The following KLF8 variants were observed in gnomAD, a reference collection of about 807,000 sequenced individuals.
KLF8 encodes KLF transcription factor 8.
In KLF8, 10 loss-of-function variants were observed where a neutral mutation model predicts 18.2. That is an observed-to-expected ratio of 0.55 (90% CI 0.34 to 0.93). The LOEUF (loss-of-function observed/expected upper bound fraction) is 0.93. Ranked by LOEUF, KLF8 falls within the 40% of genes least tolerant of loss-of-function variation. KLF8 has a pLI of 0.02. For synonymous variants in KLF8, 109 were observed against 97.3 expected, an observed-to-expected ratio of 1.12 and a Z score of -0.71; for missense variants, 264 against 277.9, an observed-to-expected ratio of 0.95 and a Z score of 0.36.
chrX:55,973,852 C>T, the KLF8 span, among the ~76,000 whole-genome samples: 4 of 111,603 alleles, frequency 3.6e-5, no homozygotes, highest in South Asian at 7.5e-4. Flanking sequence ...CAAAAGAACA[C>T]GAATTGTTCT....
chrX:56,049,801 T>C, the KLF8 span, among the ~76,000 whole-genome samples: 1 of 110,236 alleles, frequency 9.1e-6, no homozygotes, highest in African/African-American at 3.3e-5. Context: ...TAGGGAGGAT[T>C]CCCTCTTTTT....
the KLF8 span, among the ~76,000 whole-genome samples, chrX:56,163,828 T>A: frequency 8.9e-6 from 1 of 112,307 alleles, no homozygotes; most frequent in Non-Finnish European, 1.9e-5. Flanking sequence ...GATACCCAGT[T>A]ATCCCAGCAC....
the KLF8 span, among the ~76,000 whole-genome samples, chrX:56,106,148 C>T: frequency 4.5e-5 from 5 of 111,094 alleles, no homozygotes; most frequent in African/African-American, 6.6e-5. Flanking sequence ...CTGCCCTTAA[C>T]ATGTTTTCCT....
chrX:56,182,029 T>A, the KLF8 span, among the ~76,000 whole-genome samples: 2 of 111,797 alleles, frequency 1.8e-5, no homozygotes, highest in East Asian at 5.6e-4. Context: ...TTGAGGAAGT[T>A]CTCCTGGATA....
intron 5 of KLF8, among the ~76,000 whole-genome samples, chrX:56,278,896 A>T (rs1269737353): frequency 9.0e-6 from 1 of 111,636 alleles, no homozygotes; most frequent in Non-Finnish European, 1.9e-5. Flanking sequence ...CATGGGTGGG[A>T]GTCAGCAGAG....
chrX:56,014,817 G>GTTTTTTTTTTT, the KLF8 span: 5 of 59,370 alleles, frequency 8.4e-5, no homozygotes, highest in Admixed American at 2.5e-4. Context: ...ACAAGATCAT[G>GTTTTTTTTTTT]TTTTTTTTTT....
chrX:55,993,528 A>T, the KLF8 span, among the ~76,000 whole-genome samples: 1 of 111,694 alleles, frequency 9.0e-6, no homozygotes, highest in Admixed American at 9.5e-5. Context: ...AAATTTTCGC[A>T]TGTATGTTTA....
chrX:56,164,704 T>A, the KLF8 span, among the ~76,000 whole-genome samples: 4 of 97,601 alleles, frequency 4.1e-5, no homozygotes, highest in African/African-American at 1.5e-4. Flanking sequence ...GTATATTTCT[T>A]TTTTTTTTTT....
chrX:56,086,327 C>T, the KLF8 span, among the ~76,000 whole-genome samples: 3 of 111,637 alleles, frequency 2.7e-5, no homozygotes, highest in Admixed American at 9.6e-5. Context: ...AGTGACTCCA[C>T]CTCCCAGTGA....
the KLF8 span, among the ~76,000 whole-genome samples, chrX:56,159,297 T>A: frequency 8.9e-6 from 1 of 112,246 alleles, no homozygotes; most frequent in Non-Finnish European, 1.9e-5. Flanking sequence ...GCCATTGTTT[T>A]ATTGAGGATT....
At chrX:56,069,837 G>T in the KLF8 span, among the ~76,000 whole-genome samples, 1 of 112,525 alleles carries the variant, frequency 8.9e-6, no homozygotes, top group Non-Finnish European at 1.9e-5. Context: ...TCCTGCTTCA[G>T]TGTGACGATT....
chrX:55,940,291 C>T, the KLF8 span, among the ~76,000 whole-genome samples: 2 of 111,456 alleles, frequency 1.8e-5, no homozygotes, highest in Non-Finnish European at 3.8e-5. Context: ...TGATTATCTC[C>T]ATAGATGCAG....
chrX:56,116,633 T>TGA, the KLF8 span, among the ~76,000 whole-genome samples: 10 of 30,809 alleles, frequency 3.2e-4, 1 homozygote, highest in African/African-American at 1.5e-3. Flanking sequence ...TATGATGTTC[T>TGA]GATATATATA....
the KLF8 span, among the ~76,000 whole-genome samples, chrX:56,040,155 A>T: frequency 9.0e-6 from 1 of 111,440 alleles, no homozygotes; most frequent in Admixed American, 9.6e-5. Flanking sequence ...AAGATACAGG[A>T]TCATGTCATC....
the KLF8 span, among the ~76,000 whole-genome samples, chrX:56,195,706 C>A: frequency 1.8e-5 from 2 of 111,746 alleles, no homozygotes; most frequent in Non-Finnish European, 3.8e-5. Context: ...GGCAGGCCAA[C>A]ATTCAAATTC....
chrX:56,149,908 GC>G, the KLF8 span, among the ~76,000 whole-genome samples: 2 of 110,458 alleles, frequency 1.8e-5, no homozygotes, highest in African/African-American at 6.6e-5. Flanking sequence ...AGAAGCCTTT[GC>G]TTTTTTACAT....
chrX:56,127,445 G>A, the KLF8 span, among the ~76,000 whole-genome samples: 3 of 110,849 alleles, frequency 2.7e-5, no homozygotes, highest in Non-Finnish European at 3.8e-5. Flanking sequence ...AGGATTCCTT[G>A]AGCCCAGGAG....
the KLF8 span, among the ~76,000 whole-genome samples, chrX:55,929,940 C>T: frequency 9.3e-6 from 1 of 107,972 alleles, no homozygotes; most frequent in Non-Finnish European, 1.9e-5. Flanking sequence ...TAGCTTGATG[C>T]TGATGGCATT....
chrX:56,040,347 T>G, the KLF8 span, among the ~76,000 whole-genome samples: 1 of 112,019 alleles, frequency 8.9e-6, no homozygotes, highest in Non-Finnish European at 1.9e-5. Context: ...TTCAGTATGA[T>G]ATTGACTGTG....
Sources: gnomAD v4.1 joint callset for allele counts (sites outside exome capture counted in the v4.1 genomes callset) on GRCh38, gnomAD v4.1.1 for gene constraint, MANE v1.5 for transcripts, NCBI Gene and HGNC (gene_info 2026-07-23, HGNC 2026-07-21) for gene names.